The following KIRREL3 variants were observed in gnomAD, a reference collection of about 807,000 sequenced individuals.
KIRREL3 encodes the protein kin of IRRE-like protein 3.
KIRREL3 carries 36 observed loss-of-function variants against 89.7 expected under a neutral mutation model. The ratio of observed to expected loss-of-function variants is 0.40; its 90% CI spans 0.31 to 0.53. KIRREL3 has a LOEUF of 0.53. KIRREL3 is among the 20% of genes least tolerant of loss of function. The pLI is 0.49. For synonymous variants in KIRREL3, 445 were observed against 441.4 expected, an observed-to-expected ratio of 1.01 and a Z score of -0.10; for missense variants, 864 against 1,056.6, an observed-to-expected ratio of 0.82 and a Z score of 2.53.
intron 1 of KIRREL3, among the ~76,000 whole-genome samples, chr11:126,779,884 A>C (rs1950275054): frequency 6.6e-6 from 1 of 152,094 alleles, no homozygotes; most frequent in Admixed American, 6.5e-5. Flanking sequence ...AGCTGAACCA[A>C]GTGCTTTGCT....
rs893855503 is a variant in KIRREL3, at chr11:126,768,463, T to C, written c.56-205551A>G. Among the ~76,000 whole-genome samples, 3 of 152,210 alleles carry C rather than the reference T, an allele frequency of 2.0e-5. No homozygotes were observed. The highest frequency in any genetic ancestry group is 3.8e-4 in the East Asian group (2 of 5,202). ...TTATGAACTTGGTTTATGAGATCCT[T>C]GGTTTAGTGTGTGTTGAAGAGACAG... On this transcript the variant is annotated intron_variant, in intron 1 of 16. Coordinates refer to ENST00000525144, the MANE Select transcript of KIRREL3 (RefSeq NM_032531.4). This position sits in a 1 kb window ranked among gnomAD's most constrained non-coding sequence, Gnocchi z 4.5.
rs1165842516 is a variant in KIRREL3, at chr11:126,427,183, C to T, written c.1807-1459G>A. Among the ~76,000 whole-genome samples the T allele has an allele frequency of 6.6e-6, 1 of 152,214 alleles. No homozygotes were observed. The highest frequency in any genetic ancestry group is 2.4e-5 in the African/African-American group (1 of 41,452). ...ACATGATTAAGCTTAAGTATAGAGA[C>T]GTCATCCCTTCTCACATCTAGGCTG... On this transcript the variant is annotated intron_variant, in intron 15 of 16. Coordinates refer to ENST00000525144, the MANE Select transcript of KIRREL3 (RefSeq NM_032531.4). This position sits in a 1 kb window ranked among gnomAD's most constrained non-coding sequence, Gnocchi z 5.3.
chr11:126,583,885 CGCTGTGGAGGCT>C (rs1941689069), intron 1 of KIRREL3, among the ~76,000 whole-genome samples: 1 of 152,194 alleles, frequency 6.6e-6, no homozygotes, highest in Admixed American at 6.5e-5. Flanking sequence ...GTGTGCAACC[CGCTGTGGAGGCT>C]GCTGGTGGCT....
chr11:126,675,084 A>G (rs1300827732), intron 1 of KIRREL3, among the ~76,000 whole-genome samples: 3 of 151,906 alleles, frequency 2.0e-5, no homozygotes, highest in African/African-American at 7.3e-5. Context: ...GCCAGGCCCC[A>G]CTCTTAGGGC....
chr11:126,858,062 C>T (rs1237896291), intron 1 of KIRREL3, among the ~76,000 whole-genome samples: 3 of 152,180 alleles, frequency 2.0e-5, no homozygotes, highest in African/African-American at 7.2e-5. Context: ...TGAACTGCCT[C>T]GCCAAATGTG....
At chr11:126,466,400 C>T (rs1245438348) in intron 5 of KIRREL3, among the ~76,000 whole-genome samples, 3 of 152,208 alleles carry the variant, frequency 2.0e-5, no homozygotes, top group Non-Finnish European at 2.9e-5. Context: ...CAGCGGGTAT[C>T]CCAGGGAGGA....
At position 126,729,808 on chromosome 11, in the gene KIRREL3, C is replaced by T. The variant is rs916120400; in HGVS notation, c.56-166896G>A. Among the ~76,000 whole-genome samples, 1 of 152,188 alleles carries T rather than the reference C, an allele frequency of 6.6e-6. No individual in the cohort carries two copies. The highest frequency in any genetic ancestry group is 1.5e-5 in the Non-Finnish European group (1 of 68,036). On this transcript the variant is annotated intron_variant, in intron 1 of 16. Transcript: ENST00000525144. The surrounding 1 kb of genome is among the most constrained non-coding windows in gnomAD (Gnocchi z 4.5). ...AATGGAGGGAGCCCCTGATCATAAT[C>T]ACTAAGAGCACACCATGTTTGCTGC...
rs190411054 is a variant in KIRREL3 at position 126,466,568 on chromosome 11, C to A, written c.592-3261G>T. ...ATCTGCACCCCCGGGTTTCTCTTCC[C>A]CCATTCCTTTCTGATCTCGCCTCTC... On this transcript the variant is annotated intron_variant, in intron 5 of 16. Coordinates refer to ENST00000525144, the MANE Select transcript of KIRREL3 (RefSeq NM_032531.4). 6.4e-4 allele frequency among the ~76,000 whole-genome samples: 98 copies of A among 152,354 alleles called. No individual in the cohort carries two copies. The East Asian group carries it at 0.015, about 24-fold the overall frequency.
Position 126,591,198 on chromosome 11 carries a change from C to A in KIRREL3, c.56-28286G>T, listed in dbSNP as rs974661418. ...CCGTTATTGGACCACTGTACTCCAG[C>A]CTGGGTGACAGAGGGAGATCCTGTC... is the stretch of plus-strand genomic sequence containing the variant. On this transcript the variant is annotated intron_variant, in intron 1 of 16. Coordinates refer to ENST00000525144, the MANE Select transcript of KIRREL3 (RefSeq NM_032531.4). Among the ~76,000 whole-genome samples, 3 of 152,172 alleles carry A rather than the reference C, an allele frequency of 2.0e-5. No individual in the cohort carries two copies. The East Asian group carries it at 5.8e-4, about 29-fold the overall frequency.
chr11:126,726,889 C>T (rs191973650), intron 1 of KIRREL3, among the ~76,000 whole-genome samples: 22 of 152,354 alleles, frequency 1.4e-4, no homozygotes. Context: ...TATTCATCCT[C>T]TAAGACCTGG....
chr11:126,806,572 T>C (rs1417625606), intron 1 of KIRREL3, among the ~76,000 whole-genome samples: 1 of 152,246 alleles, frequency 6.6e-6, no homozygotes, highest in Non-Finnish European at 1.5e-5. Flanking sequence ...AACTCCTAGT[T>C]GGACCATGTG....
At position 126,903,115 on chromosome 11, in the gene KIRREL3, A is replaced by G. The variant is rs755292640; in HGVS notation, c.55+97340T>C. ...CTTGTCTAATTATTTAAAAAAGAAT[A>G]GCTGTGGTAAAGCACTCTCTCAGGC... On this transcript the variant is annotated intron_variant, in intron 1 of 16. Coordinates refer to ENST00000525144, the MANE Select transcript of KIRREL3 (RefSeq NM_032531.4). The surrounding 1 kb of genome is among the most constrained non-coding windows in gnomAD (Gnocchi z 4.5). Among the ~76,000 whole-genome samples, 12 of 152,228 alleles carry G rather than the reference A, an allele frequency of 7.9e-5. No individual in the cohort carries two copies. The highest frequency in any genetic ancestry group is 1.5e-4 in the Non-Finnish European group (10 of 68,028).
At chr11:126,933,974 T>C (rs906792285) in intron 1 of KIRREL3, among the ~76,000 whole-genome samples, 3 of 144,434 alleles carry the variant, frequency 2.1e-5, no homozygotes, top group African/African-American at 7.8e-5. Context: ...AAGATTTACA[T>C]GGAAATGCAA....
intron 1 of KIRREL3, among the ~76,000 whole-genome samples, chr11:126,731,682 C>T (rs979991476): frequency 1.3e-5 from 2 of 152,234 alleles, no homozygotes; most frequent in Non-Finnish European, 2.9e-5. Flanking sequence ...ATGCTCACCT[C>T]ATCAGACCTG....
intron 1 of KIRREL3, among the ~76,000 whole-genome samples, chr11:126,853,898 T>C (rs539016672): frequency 6.6e-6 from 1 of 152,250 alleles, no homozygotes; most frequent in South Asian, 2.1e-4. Context: ...ATGATATTAA[T>C]AGTGGGGCAG....
In KIRREL3 at chr11:126,876,347, T is replaced by C. The variant is rs1242636616; in HGVS notation, c.55+124108A>G. On this transcript the variant is annotated intron_variant, in intron 1 of 16. Transcript: ENST00000525144. This position sits in a 1 kb window ranked among gnomAD's most constrained non-coding sequence, Gnocchi z 4.1. ...AGGCACGGACTACAGAAAGGGAAAA[T>C]GTGGAGAAGCAGATAGCAATGTGGT... Among the ~76,000 whole-genome samples the C allele has an allele frequency of 1.3e-5, 2 of 151,920 alleles. No individual in the cohort carries two copies.
chr11:126,672,760 C>G (rs747583106), intron 1 of KIRREL3, among the ~76,000 whole-genome samples: 10 of 152,172 alleles, frequency 6.6e-5, no homozygotes, highest in South Asian at 2.1e-4. Flanking sequence ...GCTATCTAGT[C>G]AGGTACGTGT....
chr11:126,602,043 C>T (rs970714811), intron 1 of KIRREL3, among the ~76,000 whole-genome samples: 1 of 152,204 alleles, frequency 6.6e-6, no homozygotes, highest in African/African-American at 2.4e-5. Context: ...CAACACCTCG[C>T]AGGAACTAAT....
intron 1 of KIRREL3, among the ~76,000 whole-genome samples, chr11:126,862,656 A>G (rs1357127658): frequency 6.6e-6 from 1 of 152,196 alleles, no homozygotes; most frequent in Non-Finnish European, 1.5e-5. Context: ...ACCAGGAGGC[A>G]GGGCACCTGG....
Sources: allele counts gnomAD v4.1 joint callset (sites outside exome capture counted in the v4.1 genomes callset), GRCh38; gene constraint gnomAD v4.1.1; non-coding constraint Gnocchi (gnomAD v3.1); transcripts MANE v1.5; gene names NCBI Gene and HGNC (gene_info 2026-07-23, HGNC 2026-07-21).